PRDX1: variants seen among roughly 807,000 people sequenced by gnomAD.
PRDX1 encodes the protein peroxiredoxin 1.
In PRDX1, 19 loss-of-function variants were observed where a neutral mutation model predicts 20.7. The observed-to-expected ratio is 0.92, with a 90% CI of 0.64 to 1.35. The LOEUF (loss-of-function observed/expected upper bound fraction) is 1.35, where lower values mean the gene tolerates loss of function less well. Ranked by LOEUF, PRDX1 falls within the 40% of genes most tolerant of loss-of-function variation. The pLI is 0.00. For missense variants in PRDX1, 226 were observed against 240.0 expected (o/e 0.94, Z 0.38); for synonymous variants, 89 against 83.9 (o/e 1.06, Z -0.33).
rs1359932008 is a variant in PRDX1, at chr1:45,518,308, C to CA, written c.106+629dup. Among the ~76,000 whole-genome samples, 8 of 149,936 alleles carry CA rather than the reference C, an allele frequency of 5.3e-5. No individual in the cohort carries two copies. In the East Asian group the frequency reaches 5.8e-4, roughly 11 times the overall value. ...AGAAACCCCGTCTCTACTAAAAATACAAAAAAAAATTAGCCAGGCATGATG... is the reference window on the plus strand; with the variant it reads ...AGAAACCCCGTCTCTACTAAAAATACAAAAAAAAAATTAGCCAGGCATGATG... On this transcript the variant is annotated intron_variant, in intron 2 of 5. Transcript: ENST00000319248.
intron 2 of PRDX1, among the ~76,000 whole-genome samples, chr1:45,518,193 T>C (rs1643877563): frequency 6.6e-6 from 1 of 151,840 alleles, no homozygotes; most frequent in African/African-American, 2.4e-5. Context: ...CCAGGCGTGG[T>C]GGCTCATGCC....
chr1:45,519,044 C>A lies in PRDX1; in HGVS notation c.-1G>T. The stretch of plus-strand genomic sequence containing the variant: ...CAATTTTAGCATTTCCTGAAGACAT[C>A]TTCCTATCAGCTAGAAATAACAGAA... On this transcript the variant is annotated 5_prime_UTR_variant, in exon 2 of 6. Transcript: ENST00000319248. 1 of 1,571,814 alleles carries A rather than the reference C, an allele frequency of 6.4e-7. No individual in the cohort carries two copies. Among genetic ancestry groups the A allele is most frequent in the African/African-American group, 1.4e-5 (1 of 73,010 alleles).
At chr1:45,512,069 C>CTTTTTTTTTTTTTTTTT (rs869087041) in intron 5 of PRDX1, 3 of 66,904 alleles carry the variant, frequency 4.5e-5, no homozygotes, top group Non-Finnish European at 7.9e-5. Context: ...TCTTATTTTT[C>CTTTTTTTTTTTTTTTTT]TTTTTTTTTT....
intron 2 of PRDX1, 96 bp downstream of exon 2, chr1:45,518,842 C>T (rs1475684463): frequency 5.3e-6 from 6 of 1,127,406 alleles, no homozygotes; most frequent in Non-Finnish European, 7.8e-6. Flanking sequence ...GGAGACAAAA[C>T]ATTTTACAGT....
rs11544925 is a variant in PRDX1 at position 45,514,608 on chromosome 1, A to G, written c.413T>C (p.Ile138Thr). The G allele has an allele frequency of 1.2e-6, 2 of 1,613,802 alleles. No individual in the cohort carries two copies. Among genetic ancestry groups the G allele is most frequent in the Non-Finnish European group, 1.7e-6 (2 of 1,179,674 alleles). Residue 138 changes from isoleucine to threonine, a missense_variant, in exon 5 of 6, where the codon ATT becomes ACT. Coordinates refer to ENST00000319248, the MANE Select transcript of PRDX1 (RefSeq NM_181697.3). ...RGLFIIDDKGILRQITVNDLP... is the reference protein window; with the variant it reads ...RGLFIIDDKGTLRQITVNDLP... ...GTCATTTACAGTGATCTGCCGAAGA[A>G]TACCCTTATCATCAATGATAAAAAG...
chr1:45,522,299 T>G (rs1312694252), upstream of PRDX1, among the ~76,000 whole-genome samples: 1 of 152,182 alleles, frequency 6.6e-6, no homozygotes, highest in Non-Finnish European at 1.5e-5. Flanking sequence ...CAAATATTTC[T>G]TAAGTTCGCA....
rs1332306016 is a variant in PRDX1 at position 45,514,913 on chromosome 1, C to G, written c.343G>C (p.Asp115His). 16 of 1,614,076 alleles carry G rather than the reference C, an allele frequency of 9.9e-6. No homozygotes were observed. Among genetic ancestry groups the G allele is most frequent in the Non-Finnish European group, 1.4e-5 (16 of 1,180,028 alleles). Residue 115 changes from aspartate (D) to histidine (H), a missense_variant, in exon 4 of 6, where the codon GAT becomes CAT. Coordinates refer to ENST00000319248, the MANE Select transcript of PRDX1 (RefSeq NM_181697.3). ...TCATCAGCCTTTAAGACCCCATAAT[C>G]CTGAGCAATGGTGCGCTTCGGGTCT... ...VSDPKRTIAQDYGVLKADEGI... is the reference protein window; with the variant it reads ...VSDPKRTIAQHYGVLKADEGI...
chr1:45,516,747 C>T (rs1266699451), intron 2 of PRDX1, among the ~76,000 whole-genome samples: 1 of 152,014 alleles, frequency 6.6e-6, no homozygotes, highest in Non-Finnish European at 1.5e-5. Flanking sequence ...TGGTGGCTGA[C>T]GTCTGTAATC....
intron 2 of PRDX1, among the ~76,000 whole-genome samples, chr1:45,518,548 C>T (rs999872461): frequency 6.7e-6 from 1 of 150,280 alleles, no homozygotes; most frequent in African/African-American, 2.5e-5. Context: ...ACTTGGGAGG[C>T]TGAGGTAGGA....
rs1643831103 is a variant in PRDX1 at position 45,514,951 on chromosome 1, A to G, written c.305T>C (p.Ile102Thr). ...KKQGGLGPMN[I>T]PLVSDPKRTI... ...GCGCTTCGGGTCTGATACCAAAGGA[A>G]TGTTCATGGGTCCCAGTCCTCCTTG... The change falls in exon 4 of 6, where the codon ATT (isoleucine) becomes ACT (threonine). Residue 102 changes from isoleucine to threonine, a missense_variant. Transcript: ENST00000319248. The G allele has an allele frequency of 1.2e-5, 19 of 1,614,190 alleles. No individual in the cohort carries two copies. The highest frequency in any genetic ancestry group is 1.6e-5 in the Non-Finnish European group (19 of 1,180,010).
intron 5 of PRDX1, 83 bp downstream of exon 5, chr1:45,514,424 C>G (rs942472739): frequency 3.5e-5 from 52 of 1,502,944 alleles, no homozygotes; most frequent in Non-Finnish European, 4.7e-5. Flanking sequence ...TTCCACCTAA[C>G]GAGAAACACC....
chr1:45,518,512 G>T (rs1643880819), intron 2 of PRDX1, among the ~76,000 whole-genome samples: 1 of 147,818 alleles, frequency 6.8e-6, no homozygotes. Flanking sequence ...AGCCAGGCAT[G>T]GCAGCATGCC....
intron 2 of PRDX1, among the ~76,000 whole-genome samples, chr1:45,516,650 G>A (rs2149328479): frequency 6.6e-6 from 1 of 152,218 alleles, no homozygotes; most frequent in Non-Finnish European, 1.5e-5. Context: ...CACCCACCAG[G>A]CTTAAATACT....
chr1:45,511,524 AC>A (rs1643745053), intron 5 of PRDX1, 110 bp from the exon 6 acceptor site: 2 of 795,596 alleles, frequency 2.5e-6, no homozygotes, highest in Non-Finnish European at 4.1e-6. Flanking sequence ...CAGGAAACCT[AC>A]CCCTGCAATC....
intron 3 of PRDX1, 32 bp downstream of exon 3, chr1:45,515,622 A>G (rs1557613777): frequency 2.2e-6 from 3 of 1,339,158 alleles, no homozygotes; most frequent in Admixed American, 2.7e-5. Flanking sequence ...AAAAAAAAAA[A>G]GTTCACATGC....
chr1:45,514,637 C>G lies in PRDX1; in HGVS notation c.384G>C (p.Arg128Ser). ...CCTTATCATCAATGATAAAAAGGCC[C>G]CTGGGAAAAGAGATGAAAGGAAAAG... ...VLKADEGISF[R>S]GLFIIDDKGI... The change falls in exon 5 of 6, where the codon AGG (arginine) becomes AGC (serine). Residue 128 changes from arginine (R) to serine (S), a missense_variant and splice_region_variant. Coordinates refer to ENST00000319248, the MANE Select transcript of PRDX1 (RefSeq NM_181697.3). 1 of 1,613,660 alleles carries G rather than the reference C, an allele frequency of 6.2e-7. No individual in the cohort carries two copies. Among genetic ancestry groups the G allele is most frequent in the Non-Finnish European group, 8.5e-7 (1 of 1,179,664 alleles).
chr1:45,521,335 C>T (rs1042431936), intron 1 of PRDX1, among the ~76,000 whole-genome samples: 1 of 152,178 alleles, frequency 6.6e-6, no homozygotes, highest in Non-Finnish European at 1.5e-5. Context: ...CATTTGGGCT[C>T]ATCGCTAACT....
At chr1:45,521,526 G>A (rs140674116) in intron 1 of PRDX1, 458 of 152,490 alleles carry the variant, frequency 3.0e-3, no homozygotes, top group Non-Finnish European at 5.1e-3. Context: ...GCTAGTCTCG[G>A]AGACCCCCAC....
At chr1:45,516,657 T>C (rs1643864425) in intron 2 of PRDX1, among the ~76,000 whole-genome samples, 1 of 152,136 alleles carries the variant, frequency 6.6e-6, no homozygotes, top group South Asian at 2.1e-4. Context: ...CAGGCTTAAA[T>C]ACTAGAACAA....
Sources: gnomAD v4.1 joint callset for allele counts (sites outside exome capture counted in the v4.1 genomes callset) on GRCh38, gnomAD v4.1.1 for gene constraint, MANE v1.5 for transcripts, NCBI Gene and HGNC (gene_info 2026-07-23, HGNC 2026-07-21) for gene names.